Variants in NEGR1 observed in about 807,000 individuals in gnomAD.
NEGR1 encodes the protein neuronal growth regulator 1.
Under a neutral mutation model 40.9 loss-of-function variants are expected in NEGR1, and 10 were observed. That is an observed-to-expected ratio of 0.24 (90% CI 0.15 to 0.42). The LOEUF is 0.42. NEGR1 is among the 10% of genes least tolerant of loss of function. NEGR1 has a pLI of 1.00. For missense variants in NEGR1, 352 were observed against 438.9 expected (o/e 0.80, Z 1.77); for synonymous variants, 185 against 166.8 (o/e 1.11, Z -0.84).
intron 2 of NEGR1, among the ~76,000 whole-genome samples, chr1:71,927,568 C>A (rs190687516): frequency 1.1e-4 from 16 of 152,054 alleles, no homozygotes; most frequent in Non-Finnish European, 2.9e-5. Flanking sequence ...CCAAATTAGG[C>A]ATAACTATTC....
intron 5 of NEGR1, among the ~76,000 whole-genome samples, chr1:71,604,308 G>T (rs1299486008): frequency 6.6e-6 from 1 of 152,078 alleles, no homozygotes; most frequent in Non-Finnish European, 1.5e-5. Flanking sequence ...CAAATGTAAT[G>T]TATTCATAAT....
chr1:71,980,222 C>T (rs1399915810), intron 1 of NEGR1, among the ~76,000 whole-genome samples: 2 of 152,064 alleles, frequency 1.3e-5, no homozygotes, highest in Non-Finnish European at 2.9e-5. Context: ...GACTTTTAAA[C>T]TATGCATGTA....
At chr1:71,935,621 A>C (rs1645898606) in intron 1 of NEGR1, among the ~76,000 whole-genome samples, 1 of 152,000 alleles carries the variant, frequency 6.6e-6, no homozygotes, top group Non-Finnish European at 1.5e-5. Flanking sequence ...GACACATCTA[A>C]ATAAAGCTAA....
chr1:71,775,335 G>C (rs563232244), intron 3 of NEGR1, among the ~76,000 whole-genome samples: 1 of 142,708 alleles, frequency 7.0e-6, no homozygotes. Flanking sequence ...TGAGTGAAAA[G>C]TATTCTTTAA....
chr1:72,264,091 G>T (rs1408746149), intron 1 of NEGR1, among the ~76,000 whole-genome samples: 1 of 151,296 alleles, frequency 6.6e-6, no homozygotes, highest in East Asian at 1.9e-4. Context: ...CTGTTCTGGA[G>T]TCCACTGAAA....
At chr1:71,573,015 T>C (rs1475200786) in intron 6 of NEGR1, among the ~76,000 whole-genome samples, 3 of 152,104 alleles carry the variant, frequency 2.0e-5, no homozygotes, top group Admixed American at 2.0e-4. Flanking sequence ...AGGATAAGGG[T>C]TTTGCAGAAA....
At position 72,080,099 on chromosome 1, in the gene NEGR1, C is replaced by A. The variant is rs559815703; in HGVS notation, c.177-144788G>T. On this transcript the variant is annotated intron_variant, in intron 1 of 6. Transcript: ENST00000357731. ...TTCCTTTTTTTGACAATGTGCAATC[C>A]CCATGATGTTCATATTTTGGTGCTA... Among the ~76,000 whole-genome samples the A allele has an allele frequency of 7.7e-4, 117 of 152,056 alleles. 3 individuals are homozygous for A. The South Asian group carries it at 0.024, about 31-fold the overall frequency.
At chr1:71,799,848 G>C (rs774081230) in intron 2 of NEGR1, among the ~76,000 whole-genome samples, 4 of 152,084 alleles carry the variant, frequency 2.6e-5, no homozygotes, top group Admixed American at 1.3e-4. Context: ...GAGTAGCTGG[G>C]ACTACAGGAG....
chr1:72,065,534 C>T (rs1296842453), intron 1 of NEGR1, among the ~76,000 whole-genome samples: 1 of 152,080 alleles, frequency 6.6e-6, no homozygotes, highest in African/African-American at 2.4e-5. Context: ...AGCACCTTCT[C>T]CACATGTCTA....
chr1:72,237,750 T>C (rs1052735695), intron 1 of NEGR1, among the ~76,000 whole-genome samples: 1 of 151,960 alleles, frequency 6.6e-6, no homozygotes, highest in African/African-American at 2.4e-5. Context: ...CAGAATATTT[T>C]ATTAGGGAAG....
At chr1:71,837,694 T>A (rs1659089104) in intron 2 of NEGR1, among the ~76,000 whole-genome samples, 1 of 152,040 alleles carries the variant, frequency 6.6e-6, no homozygotes, top group Non-Finnish European at 1.5e-5. Flanking sequence ...TTAATATTCC[T>A]CCATTTACAA....
At chr1:71,929,574 A>G (rs1489761978) in intron 2 of NEGR1, among the ~76,000 whole-genome samples, 3 of 152,164 alleles carry the variant, frequency 2.0e-5, no homozygotes, top group African/African-American at 7.2e-5. Context: ...TGACTGTTTC[A>G]ACATCTGTAG....
intron 4 of NEGR1, among the ~76,000 whole-genome samples, chr1:71,677,470 A>T (rs935889534): frequency 5.3e-5 from 8 of 152,224 alleles, no homozygotes; most frequent in South Asian, 2.1e-4. Flanking sequence ...TTTCTGCTAC[A>T]CTCACTGAGT....
intron 1 of NEGR1, among the ~76,000 whole-genome samples, chr1:72,241,184 GATA>G (rs570024892): frequency 4.9e-4 from 74 of 151,744 alleles, no homozygotes; most frequent in African/African-American, 1.6e-3. Flanking sequence ...TTGGAAGTTA[GATA>G]ATAATTTATT....
chr1:72,041,752 A>C (rs1646956717), intron 1 of NEGR1, among the ~76,000 whole-genome samples: 1 of 148,192 alleles, frequency 6.7e-6, no homozygotes, highest in African/African-American at 2.5e-5. Context: ...ATATATACCC[A>C]TGACATGAGG....
chr1:71,491,002 T>G (rs1646923999), intron 6 of NEGR1, among the ~76,000 whole-genome samples: 1 of 152,016 alleles, frequency 6.6e-6, no homozygotes, highest in African/African-American at 2.4e-5. Flanking sequence ...CAGGAGTTCT[T>G]AGCACAATTA....
chr1:72,004,150 A>G (rs925482843), intron 1 of NEGR1, among the ~76,000 whole-genome samples: 50 of 152,128 alleles, frequency 3.3e-4, no homozygotes, highest in African/African-American at 1.2e-3. Context: ...TTGTCCAATT[A>G]TATATTTATT....
intron 2 of NEGR1, among the ~76,000 whole-genome samples, chr1:71,903,839 A>C (rs142302294): frequency 6.6e-6 from 1 of 151,564 alleles, no homozygotes; most frequent in African/African-American, 2.4e-5. Context: ...TATATATATA[A>C]AAAATGATGT....
intron 2 of NEGR1, among the ~76,000 whole-genome samples, chr1:71,883,595 C>G (rs1378787123): frequency 6.6e-6 from 1 of 152,070 alleles, no homozygotes; most frequent in Non-Finnish European, 1.5e-5. Context: ...TATTATTATA[C>G]TTTAAGTTCT....
Sources: allele counts gnomAD v4.1 joint callset (sites outside exome capture counted in the v4.1 genomes callset), GRCh38; gene constraint gnomAD v4.1.1; transcripts MANE v1.5; gene names NCBI Gene and HGNC (gene_info 2026-07-23, HGNC 2026-07-21).